RPS6KC1: variants seen among roughly 807,000 people sequenced by gnomAD.
RPS6KC1 encodes inactive ribosomal protein S6 kinase delta-1.
A neutral mutation model predicts 103.8 loss-of-function variants in RPS6KC1; 54 were observed. The observed-to-expected ratio is 0.52, with a 90% CI of 0.42 to 0.65. The LOEUF is 0.65. RPS6KC1 is among the 30% of genes least tolerant of loss of function. The probability of loss-of-function intolerance (pLI) is 0.00; values close to 1 mark genes in which losing one functional copy is unlikely to be tolerated. For synonymous variants in RPS6KC1, 439 were observed against 438.7 expected, an observed-to-expected ratio of 1.00 and a Z score of -0.01; for missense variants, 1,151 against 1,253.8, an observed-to-expected ratio of 0.92 and a Z score of 1.24.
At chr1:213,225,680 C>T (rs1259862584) in intron 8 of RPS6KC1, among the ~76,000 whole-genome samples, 6 of 152,168 alleles carry the variant, frequency 3.9e-5, no homozygotes, top group South Asian at 2.1e-4. Flanking sequence ...TGAGCCACTG[C>T]GCCCAGCCGG....
In RPS6KC1 at chr1:213,060,406, A is replaced by G. The variant is rs894134138; in HGVS notation, c.105+8897A>G. 3.3e-5 allele frequency among the ~76,000 whole-genome samples: 5 copies of G among 152,318 alleles called. No homozygotes were observed. In the South Asian group the frequency reaches 6.2e-4, roughly 19 times the overall value. On this transcript the variant is annotated intron_variant, in intron 1 of 14. Transcript: ENST00000366960. ...AAACAAAATAATCATAGGGATAGGGAGGGCAATTAGTTTGTTGTAAAATAT... is the reference window on the plus strand; with the variant it reads ...AAACAAAATAATCATAGGGATAGGGGGGGCAATTAGTTTGTTGTAAAATAT...
chr1:213,619,804 A>T, the RPS6KC1 span, among the ~76,000 whole-genome samples: 2 of 152,236 alleles, frequency 1.3e-5, no homozygotes, highest in Admixed American at 6.5e-5. Flanking sequence ...CATTTGAGAA[A>T]ATGATATAAA....
chr1:213,816,360 G>A, the RPS6KC1 span, among the ~76,000 whole-genome samples: 1 of 152,306 alleles, frequency 6.6e-6, no homozygotes, highest in East Asian at 1.9e-4. Context: ...ACAAGGGCAT[G>A]CCTATAATTA....
chr1:213,359,701 G>A, the RPS6KC1 span, among the ~76,000 whole-genome samples: 1 of 152,276 alleles, frequency 6.6e-6, no homozygotes, highest in Non-Finnish European at 1.5e-5. Flanking sequence ...GGTACCGGTT[G>A]TTCCTTTCCA....
chr1:213,533,333 T>C, the RPS6KC1 span, among the ~76,000 whole-genome samples: 4 of 152,050 alleles, frequency 2.6e-5, no homozygotes, highest in African/African-American at 9.7e-5. Flanking sequence ...GAGAGAAAAA[T>C]GGGGCCATTA....
At position 213,195,440 on chromosome 1, in the gene RPS6KC1, G is replaced by A. The variant is rs139158775; in HGVS notation, c.1044+18948G>A. 2.6e-3 allele frequency among the ~76,000 whole-genome samples: 397 copies of A among 152,084 alleles called. 2 individuals carry two copies. The highest frequency in any genetic ancestry group is 9.2e-3 in the African/African-American group (382 of 41,548). Reference sequence around the variant, plus strand: ...CTGAAATAAAAAGTTTTAAAAATTCGTAACGTGTTTATTGGTCTGTCTTTT... The same window carrying A: ...CTGAAATAAAAAGTTTTAAAAATTCATAACGTGTTTATTGGTCTGTCTTTT... On this transcript the variant is annotated intron_variant, in intron 8 of 14. Transcript: ENST00000366960.
the RPS6KC1 span, among the ~76,000 whole-genome samples, chr1:213,811,900 A>G: frequency 6.6e-6 from 1 of 152,228 alleles, no homozygotes; most frequent in Non-Finnish European, 1.5e-5. Context: ...ACCACTGAGC[A>G]TTGTGTGAGA....
chr1:213,675,849 C>T, the RPS6KC1 span, among the ~76,000 whole-genome samples: 1 of 150,994 alleles, frequency 6.6e-6, no homozygotes, highest in Non-Finnish European at 1.5e-5. Flanking sequence ...TGCACTCCAG[C>T]CTGGGAAACA....
At chr1:213,508,659 C>CCA in the RPS6KC1 span, among the ~76,000 whole-genome samples, 1 of 152,080 alleles carries the variant, frequency 6.6e-6, no homozygotes, top group Non-Finnish European at 1.5e-5. Context: ...GCCTCAATTT[C>CCA]CACATATAAC....
At chr1:213,759,710 AGCT>A in the RPS6KC1 span, among the ~76,000 whole-genome samples, 1 of 152,212 alleles carries the variant, frequency 6.6e-6, no homozygotes, top group Non-Finnish European at 1.5e-5. Flanking sequence ...CAGCCTCCGC[AGCT>A]GTAGATCCTT....
At chr1:213,523,805 C>T in the RPS6KC1 span, among the ~76,000 whole-genome samples, 14 of 152,138 alleles carry the variant, frequency 9.2e-5, no homozygotes, top group South Asian at 1.9e-3. Context: ...ACCTGCACCC[C>T]GATCTAATCA....
At chr1:213,239,826 C>G (rs939912896) in intron 10 of RPS6KC1, among the ~76,000 whole-genome samples, 8 of 152,106 alleles carry the variant, frequency 5.3e-5, no homozygotes, top group African/African-American at 1.9e-4. Flanking sequence ...TTTCTAATCA[C>G]TACTGTTATA....
chr1:213,601,347 A>G, the RPS6KC1 span, among the ~76,000 whole-genome samples: 1 of 148,012 alleles, frequency 6.8e-6, no homozygotes, highest in Non-Finnish European at 1.5e-5. Flanking sequence ...AAACATATGT[A>G]AATATATATA....
At chr1:213,844,711 A>G in the RPS6KC1 span, among the ~76,000 whole-genome samples, 2 of 152,268 alleles carry the variant, frequency 1.3e-5, no homozygotes, top group South Asian at 4.1e-4. Flanking sequence ...TTTATAAGGT[A>G]TCAAATTTGA....
the RPS6KC1 span, among the ~76,000 whole-genome samples, chr1:213,587,758 T>G: frequency 6.6e-6 from 1 of 152,172 alleles, no homozygotes; most frequent in Non-Finnish European, 1.5e-5. Flanking sequence ...TGCACGGGAT[T>G]CGACATCCTC....
chr1:213,684,152 C>T, the RPS6KC1 span, among the ~76,000 whole-genome samples: 1 of 152,148 alleles, frequency 6.6e-6, no homozygotes, highest in African/African-American at 2.4e-5. Context: ...GATGCTAGTC[C>T]CTTGCCTCAA....
chr1:213,856,927 AG>A, the RPS6KC1 span, among the ~76,000 whole-genome samples: 2 of 152,234 alleles, frequency 1.3e-5, no homozygotes, highest in East Asian at 3.8e-4. Flanking sequence ...TAACAACATA[AG>A]CTAGCTCATG....
chr1:213,429,765 G>A, the RPS6KC1 span, among the ~76,000 whole-genome samples: 1 of 152,114 alleles, frequency 6.6e-6, no homozygotes, highest in Non-Finnish European at 1.5e-5. Flanking sequence ...TTCCCCAGAC[G>A]GAATGAGCAT....
chr1:213,303,061 T>C, the RPS6KC1 span, among the ~76,000 whole-genome samples: 3 of 152,206 alleles, frequency 2.0e-5, no homozygotes, highest in Non-Finnish European at 2.9e-5. Context: ...CTCGACTGTA[T>C]GTATGCCTTC....
Sources: allele counts gnomAD v4.1 joint callset (sites outside exome capture counted in the v4.1 genomes callset), GRCh38; gene constraint gnomAD v4.1.1; transcripts MANE v1.5; gene names NCBI Gene and HGNC (gene_info 2026-07-23, HGNC 2026-07-21).